The following ITSN2 variants were observed in gnomAD, a reference collection of about 807,000 sequenced individuals.
ITSN2 encodes the protein intersectin-2.
ITSN2 carries 156 observed loss-of-function variants against 243.7 expected under a neutral mutation model. The observed-to-expected ratio is 0.64, with a 90% CI of 0.56 to 0.73. The LOEUF is 0.73. Ranked by LOEUF, ITSN2 falls within the 30% of genes least tolerant of loss-of-function variation. The probability of loss-of-function intolerance (pLI) is 0.00; values close to 1 mark genes in which losing one functional copy is unlikely to be tolerated. For synonymous variants in ITSN2, 703 were observed against 699.9 expected (o/e 1.00, Z -0.07); for missense variants, 1,801 against 1,996.1 (o/e 0.90, Z 1.86).
Position 24,261,094 on chromosome 2 carries a change from C to A in ITSN2, c.2682+12G>T. The A allele has an allele frequency of 6.3e-7, 1 of 1,599,860 alleles. No individual in the cohort carries two copies. Among genetic ancestry groups the A allele is most frequent in the East Asian group, 2.2e-5 (1 of 44,588 alleles). Reference sequence around the variant, plus strand: ...CAAAGAATAAAGCCCACAAAAATAACAGACAACATACCTGTCCATGAATAG... The same window carrying A: ...CAAAGAATAAAGCCCACAAAAATAAAAGACAACATACCTGTCCATGAATAG... On this transcript the variant is annotated intron_variant, in intron 22 of 39. Coordinates refer to ENST00000355123, the MANE Select transcript of ITSN2 (RefSeq NM_006277.3).
chr2:24,324,146 G>A lies in ITSN2; in HGVS notation c.31+3906C>T, dbSNP rs1234607109. 3.9e-5 allele frequency among the ~76,000 whole-genome samples: 6 copies of A among 152,140 alleles called. 1 individual carries two copies. The highest frequency in any genetic ancestry group is 3.9e-4 in the East Asian group (2 of 5,170). On this transcript the variant is annotated intron_variant, in intron 2 of 39. Coordinates refer to ENST00000355123, the MANE Select transcript of ITSN2 (RefSeq NM_006277.3). ...ACTCGGGAGGCTGAGGCAGGAGAAC[G>A]GCGTGAACCCAGTAGGCGGAGCTTG... is the stretch of plus-strand genomic sequence containing the variant.
At chr2:24,279,735 T>TC (rs1358493185) in intron 17 of ITSN2, among the ~76,000 whole-genome samples, 1 of 143,154 alleles carries the variant, frequency 7.0e-6, no homozygotes, top group Non-Finnish European at 1.5e-5. Context: ...TCTTTTTTTT[T>TC]TTTTTTTTTT....
At chr2:24,221,209 G>A in intron 29 of ITSN2, 143 bp from the exon 30 acceptor site, 1 of 836,234 alleles carries the variant, frequency 1.2e-6, no homozygotes. Flanking sequence ...AACTTCTGCA[G>A]AGCAGCATGC....
At chr2:24,207,340 C>T (rs1485389542) in intron 37 of ITSN2, among the ~76,000 whole-genome samples, 1 of 151,310 alleles carries the variant, frequency 6.6e-6, no homozygotes, top group Non-Finnish European at 1.5e-5. Flanking sequence ...CAGGGAGGGG[C>T]CTGGGTGGCC....
intron 29 of ITSN2, among the ~76,000 whole-genome samples, chr2:24,235,182 G>T (rs1404027408): frequency 6.6e-6 from 1 of 152,152 alleles, no homozygotes; most frequent in African/African-American, 2.4e-5. Flanking sequence ...GCCATGAAAA[G>T]ATATGGAGGA....
chr2:24,345,874 T>C (rs1333027125), intron 1 of ITSN2, among the ~76,000 whole-genome samples: 1 of 152,230 alleles, frequency 6.6e-6, no homozygotes, highest in Non-Finnish European at 1.5e-5. Context: ...TGTCTTGTCA[T>C]ACAAAGAAAG....
chr2:24,323,354 A>AT (rs2151815295), intron 2 of ITSN2, among the ~76,000 whole-genome samples: 1 of 152,160 alleles, frequency 6.6e-6, no homozygotes, highest in South Asian at 2.1e-4. Flanking sequence ...GGCTGAATGG[A>AT]TAAATAAATT....
intron 25 of ITSN2, among the ~76,000 whole-genome samples, chr2:24,250,163 C>G (rs1673909851): frequency 6.6e-6 from 1 of 152,266 alleles, no homozygotes; most frequent in East Asian, 1.9e-4. Flanking sequence ...GTGCTGCATA[C>G]TAAAGTATGA....
At chr2:24,299,164 G>C (rs977839820) in intron 12 of ITSN2, among the ~76,000 whole-genome samples, 7 of 151,770 alleles carry the variant, frequency 4.6e-5, no homozygotes, top group African/African-American at 1.5e-4. Flanking sequence ...CCAAGTAGCT[G>C]GGATTACAGG....
At chr2:24,348,635 A>G (rs947051788) in intron 1 of ITSN2, among the ~76,000 whole-genome samples, 10 of 152,236 alleles carry the variant, frequency 6.6e-5, no homozygotes, top group Admixed American at 2.6e-4. Context: ...AGTACACTAC[A>G]ACAAACACAC....
intron 11 of ITSN2, 68 bp from the exon 12 acceptor site, chr2:24,300,239 A>G (rs1160780895): frequency 1.4e-6 from 2 of 1,466,888 alleles, no homozygotes; most frequent in Non-Finnish European, 1.9e-6. Flanking sequence ...TCTAGTTTCT[A>G]TATACTTATG....
At chr2:24,290,521 ACT>A in intron 15 of ITSN2, among the ~76,000 whole-genome samples, 1 of 152,034 alleles carries the variant, frequency 6.6e-6, no homozygotes, top group South Asian at 2.1e-4. Flanking sequence ...TTTCTTCATG[ACT>A]CTATGTATTG....
chr2:24,315,368 C>T (rs1240144724), intron 2 of ITSN2, 144 bp from the exon 3 acceptor site: 2 of 502,900 alleles, frequency 4.0e-6, no homozygotes, highest in Non-Finnish European at 7.1e-6. Flanking sequence ...CTATCATAAC[C>T]ATACATAGCA....
intron 17 of ITSN2, among the ~76,000 whole-genome samples, chr2:24,276,583 T>G (rs1228767394): frequency 6.6e-6 from 1 of 152,188 alleles, no homozygotes; most frequent in African/African-American, 2.4e-5. Context: ...GTTCAGCATT[T>G]TCTCTTCCTC....
At chr2:24,329,681 T>C (rs1685559229) in intron 1 of ITSN2, among the ~76,000 whole-genome samples, 1 of 152,232 alleles carries the variant, frequency 6.6e-6, no homozygotes, top group South Asian at 2.1e-4. Flanking sequence ...AACACTACTA[T>C]ATTAAAAGAT....
chr2:24,221,332 C>T lies in ITSN2; in HGVS notation c.3578-266G>A, dbSNP rs143697155. On this transcript the variant is annotated intron_variant, in intron 29 of 39. Transcript: ENST00000355123. ...AATTTCTTTTCAGAACTGTGCAGAG[C>T]GTGTGAAGAATCTCACCACCTCAAG... The T allele has an allele frequency of 1.7e-3, 640 of 373,390 alleles. 4 individuals are homozygous for T. Among genetic ancestry groups the T allele is most frequent in the African/African-American group, 0.013 (591 of 46,232 alleles). 23.1% of individuals were successfully genotyped at this position (373,390 alleles called of 1,614,324 possible).
At chr2:24,309,805 G>A (rs560059691) in intron 7 of ITSN2, among the ~76,000 whole-genome samples, 4 of 152,236 alleles carry the variant, frequency 2.6e-5, no homozygotes, top group African/African-American at 7.2e-5. Context: ...GTTCTTCTGG[G>A]TCAAATCTAA....
intron 13 of ITSN2, among the ~76,000 whole-genome samples, chr2:24,297,706 G>A (rs943474538): frequency 1.3e-5 from 2 of 152,082 alleles, no homozygotes; most frequent in Admixed American, 6.5e-5. Flanking sequence ...GTCCTCCTCA[G>A]ACCATCTTAC....
At chr2:24,347,856 C>T (rs1040626643) in intron 1 of ITSN2, among the ~76,000 whole-genome samples, 2 of 151,848 alleles carry the variant, frequency 1.3e-5, no homozygotes, top group African/African-American at 4.8e-5. Flanking sequence ...GAGAATCATT[C>T]GAGGCTGGGA....
Sources: gnomAD v4.1 joint callset for allele counts (sites outside exome capture counted in the v4.1 genomes callset) on GRCh38, gnomAD v4.1.1 for gene constraint, MANE v1.5 for transcripts, NCBI Gene and HGNC (gene_info 2026-07-23, HGNC 2026-07-21) for gene names.